The following C2CD3 variants were observed in gnomAD, a reference collection of about 807,000 sequenced individuals.
C2CD3 encodes C2 domain containing 3 centriole elongation regulator.
C2CD3 carries 148 observed loss-of-function variants against 234.0 expected under a neutral mutation model. The ratio of observed to expected loss-of-function variants is 0.63; its 90% CI spans 0.55 to 0.72. C2CD3 has a LOEUF of 0.72. Among genes scored for constraint, C2CD3 ranks in the 30% least tolerant of loss-of-function variants. The probability of loss-of-function intolerance (pLI) is 0.00; values close to 1 mark genes in which losing one functional copy is unlikely to be tolerated. For missense variants in C2CD3, 2,577 were observed against 2,811.5 expected (o/e 0.92, Z 1.89); for synonymous variants, 1,000 against 1,035.4 (o/e 0.97, Z 0.66).
chr11:74,114,520 G>C lies in C2CD3; in HGVS notation c.1594C>G (p.Leu532Val), dbSNP rs545526569. 33 of 1,613,770 alleles carry C rather than the reference G, an allele frequency of 2.0e-5. No homozygotes were observed. The African/African-American group carries it at 3.2e-4, about 16-fold the overall frequency. ...GAATGTGTTCTACCCAAAAGGGCCA[G>C]TCTATCCACACTTAGTGTCATCGTT... ...AQTMTLSVDR[L>V]ALLGRTHSVR... Residue 532 changes from leucine (L) to valine (V), a missense_variant, in exon 10 of 33, where the codon CTG (leucine) becomes GTG (valine). Leu to Val is a conservative substitution (Grantham distance 32, BLOSUM62 1). Transcript: ENST00000334126.
At chr11:74,160,488 G>A (rs897066868) in intron 3 of C2CD3, among the ~76,000 whole-genome samples, 21 of 152,060 alleles carry the variant, frequency 1.4e-4, no homozygotes, top group Non-Finnish European at 1.5e-5. Context: ...GCCAGGCACA[G>A]AAGGACAAAT....
At chr11:74,015,601 G>A (rs761378186) in intron 32 of C2CD3, among the ~76,000 whole-genome samples, 7 of 152,176 alleles carry the variant, frequency 4.6e-5, no homozygotes, top group Non-Finnish European at 7.4e-5. Flanking sequence ...TTTGTTTTAT[G>A]AGCCAGATGG....
chr11:74,065,930 G>A (rs570984582), intron 24 of C2CD3, among the ~76,000 whole-genome samples: 2 of 104,426 alleles, frequency 1.9e-5, no homozygotes, highest in Admixed American at 1.2e-4. Flanking sequence ...GGGGGGAGGG[G>A]GGAGGGATAG....
chr11:74,158,456 C>T (rs750906131), intron 3 of C2CD3, among the ~76,000 whole-genome samples: 2 of 152,096 alleles, frequency 1.3e-5, no homozygotes, highest in African/African-American at 2.4e-5. Context: ...GGCGTGGTGG[C>T]TCACATCTAT....
intron 7 of C2CD3, among the ~76,000 whole-genome samples, chr11:74,126,286 C>A (rs899374525): frequency 1.3e-5 from 2 of 151,970 alleles, no homozygotes; most frequent in African/African-American, 4.8e-5. Context: ...ATTCTTTCTC[C>A]CTCTCTGGAA....
chr11:74,165,972 C>T (rs910299376), intron 2 of C2CD3, among the ~76,000 whole-genome samples: 16 of 152,026 alleles, frequency 1.1e-4, no homozygotes, highest in Admixed American at 4.6e-4. Context: ...GGATTACAGG[C>T]GTGAGCCACC....
intron 3 of C2CD3, among the ~76,000 whole-genome samples, chr11:74,150,216 G>A (rs185848930): frequency 7.1e-4 from 108 of 151,378 alleles, no homozygotes; most frequent in African/African-American, 2.4e-3. Flanking sequence ...GGTGGCTCAC[G>A]CCTGTAATCC....
intron 16 of C2CD3, among the ~76,000 whole-genome samples, chr11:74,097,320 G>A (rs905143441): frequency 6.6e-6 from 1 of 152,276 alleles, no homozygotes; most frequent in East Asian, 1.9e-4. Flanking sequence ...AAATGGTATG[G>A]ATACTGAGAT....
chr11:74,115,324 T>A (rs922480239), intron 9 of C2CD3, among the ~76,000 whole-genome samples: 6 of 151,798 alleles, frequency 4.0e-5, no homozygotes, highest in Admixed American at 2.6e-4. Context: ...AACTCCAAAT[T>A]TAGGTTTTTC....
chr11:74,081,340 G>A (rs1053875329), intron 22 of C2CD3, among the ~76,000 whole-genome samples: 1 of 152,014 alleles, frequency 6.6e-6, no homozygotes, highest in Non-Finnish European at 1.5e-5. Context: ...TATTTTGGGG[G>A]GCATTTATCC....
intron 7 of C2CD3, chr11:74,129,221 C>T (rs1299200016): frequency 3.1e-4 from 53 of 172,990 alleles, no homozygotes; most frequent in Non-Finnish European, 4.5e-4. Context: ...CGGGCGGAGA[C>T]GCTCCTCACT....
intron 14 of C2CD3, among the ~76,000 whole-genome samples, chr11:74,102,315 T>C (rs1317797200): frequency 1.3e-5 from 2 of 152,234 alleles, no homozygotes; most frequent in Non-Finnish European, 2.9e-5. Flanking sequence ...CTTTATTGAA[T>C]ACCCAGTATG....
intron 22 of C2CD3, among the ~76,000 whole-genome samples, chr11:74,079,443 T>A (rs894435416): frequency 5.3e-5 from 8 of 151,818 alleles, no homozygotes; most frequent in African/African-American, 1.9e-4. Flanking sequence ...CCCAGGCTGG[T>A]CTTGAACTCA....
chr11:74,145,574 T>A (rs1855125880), intron 3 of C2CD3, among the ~76,000 whole-genome samples: 1 of 152,194 alleles, frequency 6.6e-6, no homozygotes, highest in Non-Finnish European at 1.5e-5. Flanking sequence ...CAGTTGTCAA[T>A]TTTTGCTTTT....
chr11:74,013,596 T>G, intron 32 of C2CD3, 71 bp from the exon 33 acceptor site: 3 of 990,166 alleles, frequency 3.0e-6, no homozygotes, highest in Non-Finnish European at 4.0e-6. Context: ...CTGGTTTCTC[T>G]CATCTTTTGG....
At chr11:74,156,387 A>T (rs542828228) in intron 3 of C2CD3, among the ~76,000 whole-genome samples, 1 of 149,346 alleles carries the variant, frequency 6.7e-6, no homozygotes, top group South Asian at 2.1e-4. Flanking sequence ...GCTGGAGCCC[A>T]GGAGGTCGAA....
At chr11:74,126,267 G>A (rs937493741) in intron 7 of C2CD3, among the ~76,000 whole-genome samples, 1 of 152,130 alleles carries the variant, frequency 6.6e-6, no homozygotes, top group Non-Finnish European at 1.5e-5. Flanking sequence ...TACTGTATAT[G>A]TGACCTTTAT....
intron 7 of C2CD3, among the ~76,000 whole-genome samples, chr11:74,125,883 A>AT (rs1404110008): frequency 6.6e-6 from 1 of 152,162 alleles, no homozygotes; most frequent in Non-Finnish European, 1.5e-5. Context: ...CCTTAGAAAC[A>AT]TCCCTACTGA....
chr11:74,098,288 A>G (rs780634375), intron 15 of C2CD3, 33 bp from the exon 16 acceptor site: 2 of 1,604,556 alleles, frequency 1.2e-6, no homozygotes, highest in Non-Finnish European at 1.7e-6. Flanking sequence ...TAAGCAAATA[A>G]CAAGCATCAA....
Sources: gnomAD v4.1 joint callset for allele counts (sites outside exome capture counted in the v4.1 genomes callset) on GRCh38, gnomAD v4.1.1 for gene constraint, MANE v1.5 for transcripts, NCBI Gene and HGNC (gene_info 2026-07-23, HGNC 2026-07-21) for gene names.